CALHM5: variants seen among roughly 807,000 people sequenced by gnomAD.
CALHM5 encodes calcium homeostasis modulator protein 5.
Under a neutral mutation model 20.9 loss-of-function variants are expected in CALHM5, and 17 were observed. That is an observed-to-expected ratio of 0.82 (90% CI 0.56 to 1.22). The LOEUF (loss-of-function observed/expected upper bound fraction) is 1.22, where lower values mean the gene tolerates loss of function less well. CALHM5 is among the 50% of genes most tolerant of loss of function. The pLI is 0.00. For missense variants in CALHM5, 360 were observed against 364.6 expected, an observed-to-expected ratio of 0.99 and a Z score of 0.10; for synonymous variants, 148 against 140.0, an observed-to-expected ratio of 1.06 and a Z score of -0.40.
chr6:116,512,129 A>G lies in CALHM5; in HGVS notation c.433A>G (p.Lys145Glu). ...SGLLELICKG[K>E]PKECWEELHK... ...ACTCCTGGAACTGATTTGCAAGGGT[A>G]AGCCCAAAGAGTGCTGGGAAGAACT... The change falls in exon 1 of 2, where the codon AAG becomes GAG. Residue 145 changes from lysine (K) to glutamate (E), a missense_variant. Coordinates refer to ENST00000368599, the MANE Select transcript of CALHM5 (RefSeq NM_153711.5). 1 of 1,613,948 alleles carries G rather than the reference A, an allele frequency of 6.2e-7. No homozygotes were observed. The highest frequency in any genetic ancestry group is 8.5e-7 in the Non-Finnish European group (1 of 1,179,984).
intron 1 of CALHM5, 88 bp from the exon 2 acceptor site, chr6:116,515,511 AT>A (rs1364873844): frequency 4.5e-6 from 6 of 1,332,224 alleles, no homozygotes; most frequent in Non-Finnish European, 6.2e-6. Context: ...GACTGTGGTA[AT>A]AATTTAGCTA....
Position 116,520,292 on chromosome 6 carries a change from AT to A in CALHM5, c.*4305del, listed in dbSNP as rs1772307782. The A allele has an allele frequency of 6.6e-6, 1 of 152,106 alleles. No individual in the cohort carries two copies. Among genetic ancestry groups the A allele is most frequent in the East Asian group, 1.9e-4 (1 of 5,186 alleles). The allele number at this position is 152,106 out of a possible 1,614,324, so 9.4% of individuals were successfully genotyped here. A position where few individuals can be genotyped will look rare whatever the true frequency, so the allele number is the denominator to read the frequency against. On this transcript the variant is annotated 3_prime_UTR_variant, in exon 2 of 2. Coordinates refer to ENST00000368599, the MANE Select transcript of CALHM5 (RefSeq NM_153711.5). ...TTCAAGTACTTCAACTATTAACTAT[AT>A]TATTCTATTTAGACTTTGGTGGTTC...
chr6:116,515,647 C>T lies in CALHM5; in HGVS notation c.588C>T (p.Leu196=), dbSNP rs1001120923. The T allele has an allele frequency of 1.2e-5, 19 of 1,613,812 alleles. No individual in the cohort carries two copies. Among genetic ancestry groups the T allele is most frequent in the African/African-American group, 9.3e-5 (7 of 74,900 alleles). ...GTTCAGCGTCTTTCTTCTCTCTGCTCACCACATGTTATGCTCGCTGCCGAT... is the reference window on the plus strand; with the variant it reads ...GTTCAGCGTCTTTCTTCTCTCTGCTTACCACATGTTATGCTCGCTGCCGAT... ...LICSASFFSL[L]TTCYARCRSK... The change falls in exon 2 of 2, where the codon CTC becomes CTT. Residue 196 remains leucine, a synonymous_variant. Transcript: ENST00000368599.
chr6:116,513,398 TATA>T lies in CALHM5; in HGVS notation c.540+1164_540+1166del, dbSNP rs150883228. Among the ~76,000 whole-genome samples the T allele has an allele frequency of 3.9e-3, 594 of 152,302 alleles. 3 individuals are homozygous for T. The highest frequency in any genetic ancestry group is 0.014 in the African/African-American group (575 of 41,566). Reference sequence around the variant, plus strand: ...TCTTGTGTCTTTTATTGAAGAAGGGTATAACTTACAACTCTTATGACAGAATGA... The same window carrying T: ...TCTTGTGTCTTTTATTGAAGAAGGGTACTTACAACTCTTATGACAGAATGA... On this transcript the variant is annotated intron_variant, in intron 1 of 1. Transcript: ENST00000368599.
chr6:116,515,838 C>G lies in CALHM5; in HGVS notation c.779C>G (p.Ala260Gly), dbSNP rs760930390. ...RPDPFPMPTF[A>G]AWEAASELHS... ...GATCCTTTTCCCATGCCTACGTTTG[C>G]TGCCTGGGAGGCTGCTTCAGAGCTG... Residue 260 changes from alanine to glycine, a missense_variant, in exon 2 of 2, where the codon GCT becomes GGT. Transcript: ENST00000368599. 1 of 1,613,988 alleles carries G rather than the reference C, an allele frequency of 6.2e-7. No individual in the cohort carries two copies. The highest frequency in any genetic ancestry group is 1.1e-5 in the South Asian group (1 of 91,072).
Position 116,516,747 on chromosome 6 carries a change from A to G in CALHM5, c.*758A>G, listed in dbSNP as rs1772237263. On this transcript the variant is annotated 3_prime_UTR_variant, in exon 2 of 2. Coordinates refer to ENST00000368599, the MANE Select transcript of CALHM5 (RefSeq NM_153711.5). Reference sequence around the variant, plus strand: ...AATATATATTTATAACTGCATTGATAAAAGGTGAATATATTAGCATTTTCT... The same window carrying G: ...AATATATATTTATAACTGCATTGATGAAAGGTGAATATATTAGCATTTTCT... The G allele has an allele frequency of 6.7e-6, 1 of 148,938 alleles. No individual in the cohort carries two copies. The highest frequency in any genetic ancestry group is 1.5e-5 in the Non-Finnish European group (1 of 67,418). The allele number at this position is 148,938 out of a possible 1,614,324, so 9.2% of individuals were successfully genotyped here. A position where few individuals can be genotyped will look rare whatever the true frequency, so the allele number is the denominator to read the frequency against.
chr6:116,524,645 G>A lies in CALHM5; in HGVS notation c.*8656G>A, dbSNP rs1772411779. 6.6e-6 allele frequency: 1 copy of A among 151,896 alleles called. No homozygotes were observed. The highest frequency in any genetic ancestry group is 2.1e-4 in the South Asian group (1 of 4,814). The allele number at this position is 151,896 out of a possible 1,614,324, so 9.4% of individuals were successfully genotyped here. A position where few individuals can be genotyped will look rare whatever the true frequency, so the allele number is the denominator to read the frequency against. ...AGATGTTTTATCCTATATTCTCATTGGTTTCTTTATCTTTCATGTCCAAAA... is the reference window on the plus strand; with the variant it reads ...AGATGTTTTATCCTATATTCTCATTAGTTTCTTTATCTTTCATGTCCAAAA... On this transcript the variant is annotated 3_prime_UTR_variant, in exon 2 of 2. Transcript: ENST00000368599.
rs1024793076 is a variant in CALHM5, at chr6:116,521,220, G to A, written c.*5231G>A. On this transcript the variant is annotated 3_prime_UTR_variant, in exon 2 of 2. Transcript: ENST00000368599. Reference sequence around the variant, plus strand: ...AAAATATATGTGCTATATATATTGTGTGTGTATATATATATGAAAGAGGAT... The same window carrying A: ...AAAATATATGTGCTATATATATTGTATGTGTATATATATATGAAAGAGGAT... 5.3e-5 allele frequency: 8 copies of A among 151,998 alleles called. No individual in the cohort carries two copies. The highest frequency in any genetic ancestry group is 3.9e-4 in the Admixed American group (6 of 15,234). 9.4% of individuals were successfully genotyped at this position (151,998 alleles called of 1,614,324 possible).
intron 1 of CALHM5, among the ~76,000 whole-genome samples, chr6:116,513,700 A>G (rs1772169233): frequency 6.6e-6 from 1 of 152,224 alleles, no homozygotes; most frequent in African/African-American, 2.4e-5. Context: ...GATAGGCAGG[A>G]GGCAGCATAT....
rs1772221860 is a variant in CALHM5 at position 116,516,209 on chromosome 6, A to T, written c.*220A>T. The T allele has an allele frequency of 2.1e-6, 1 of 475,606 alleles. No individual in the cohort carries two copies. Among genetic ancestry groups the T allele is most frequent in the Non-Finnish European group, 3.5e-6 (1 of 283,678 alleles). The allele number at this position is 475,606 out of a possible 1,614,324, so 29.5% of individuals were successfully genotyped here. On this transcript the variant is annotated 3_prime_UTR_variant, in exon 2 of 2. Coordinates refer to ENST00000368599, the MANE Select transcript of CALHM5 (RefSeq NM_153711.5). Reference sequence around the variant, plus strand: ...GACAAAGGTGCTCTTGCATTGGTGGAGAGGGGCTCAGTAGGCCTAAATGTT... The same window carrying T: ...GACAAAGGTGCTCTTGCATTGGTGGTGAGGGGCTCAGTAGGCCTAAATGTT...
rs137907902 is a variant in CALHM5, at chr6:116,521,373, G to A, written c.*5384G>A. The A allele has an allele frequency of 5.9e-5, 9 of 152,208 alleles. No individual in the cohort carries two copies. The highest frequency in any genetic ancestry group is 1.3e-4 in the Non-Finnish European group (9 of 68,014). 9.4% of individuals were successfully genotyped at this position (152,208 alleles called of 1,614,324 possible). ...CCAGTCTGAGGGCCTGAGAACCAGG[G>A]GAGTTGATGGTACAAATCCCAGAGC... is the stretch of plus-strand genomic sequence containing the variant. On this transcript the variant is annotated 3_prime_UTR_variant, in exon 2 of 2. Transcript: ENST00000368599.
chr6:116,515,557 G>T (rs881863), intron 1 of CALHM5, 43 bp from the exon 2 acceptor site: 2 of 1,546,802 alleles, frequency 1.3e-6, no homozygotes, highest in Non-Finnish European at 1.7e-6. Flanking sequence ...TCCCTAAATG[G>T]CTTTGCTTTC....
intron 1 of CALHM5, 71 bp downstream of exon 1, chr6:116,512,307 C>T: frequency 2.0e-6 from 3 of 1,467,472 alleles, no homozygotes; most frequent in Non-Finnish European, 2.7e-6. Context: ...TCCTTTCAGC[C>T]AGGGCTGTCT....
rs1772337324 is a variant in CALHM5 at position 116,521,350 on chromosome 6, A to T, written c.*5361A>T. The T allele has an allele frequency of 6.6e-6, 1 of 152,112 alleles. No individual in the cohort carries two copies. The highest frequency in any genetic ancestry group is 1.5e-5 in the Non-Finnish European group (1 of 68,026). The allele number at this position is 152,112 out of a possible 1,614,324, so 9.4% of individuals were successfully genotyped here. On this transcript the variant is annotated 3_prime_UTR_variant, in exon 2 of 2. Coordinates refer to ENST00000368599, the MANE Select transcript of CALHM5 (RefSeq NM_153711.5). ...AAATGTGTAGGGTGGCTCAAGTCCCAGTCTGAGGGCCTGAGAACCAGGGGA... is the reference window on the plus strand; with the variant it reads ...AAATGTGTAGGGTGGCTCAAGTCCCTGTCTGAGGGCCTGAGAACCAGGGGA...
At position 116,515,980 on chromosome 6, in the gene CALHM5, C is replaced by A; in HGVS notation, c.921C>A (p.His307Gln). The change falls in exon 2 of 2, where the codon CAC becomes CAA. Residue 307 changes from histidine to glutamine, a missense_variant. Physicochemically the swap from His to Gln is conservative, Grantham distance 24 (BLOSUM62 0). Coordinates refer to ENST00000368599, the MANE Select transcript of CALHM5 (RefSeq NM_153711.5). Reference protein sequence around the residue: ...ETTMVLVGTAHNM With the variant: ...ETTMVLVGTAQNM ...CAATGGTCCTTGTGGGTACTGCCCA[C>A]AATATGTAGCTCATCCACCATCAAT... is the stretch of plus-strand genomic sequence containing the variant. The A allele has an allele frequency of 6.3e-7, 1 of 1,589,890 alleles. No individual in the cohort carries two copies. Among genetic ancestry groups the A allele is most frequent in the Non-Finnish European group, 8.6e-7 (1 of 1,163,414 alleles).
rs768748792 is a variant in CALHM5, at chr6:116,516,792, AT to A, written c.*807del. 14 of 150,608 alleles carry A rather than the reference AT, an allele frequency of 9.3e-5. No individual in the cohort carries two copies. The highest frequency in any genetic ancestry group is 2.1e-4 in the Non-Finnish European group (14 of 67,814). 9.3% of individuals were successfully genotyped at this position (150,608 alleles called of 1,614,324 possible). The stretch of plus-strand genomic sequence containing the variant: ...TTTTCTTCAACCTAAAAGTTTATGT[AT>A]TTTCTTCTGATTTTAAAAGAAATTA... On this transcript the variant is annotated 3_prime_UTR_variant, in exon 2 of 2. Transcript: ENST00000368599.
rs1188664868 is a variant in CALHM5 at position 116,512,075 on chromosome 6, T to A, written c.379T>A (p.Cys127Ser). ...VALLNGTFYECAMSGTRSSGL... is the reference protein window; with the variant it reads ...VALLNGTFYESAMSGTRSSGL... ...TCTGCTCAATGGAACTTTCTATGAATGTGCCATGAGCGGGACGAGAAGTTC... is the reference window on the plus strand; with the variant it reads ...TCTGCTCAATGGAACTTTCTATGAAAGTGCCATGAGCGGGACGAGAAGTTC... The change falls in exon 1 of 2, where the codon TGT becomes AGT. Residue 127 changes from cysteine (C) to serine (S), a missense_variant. Coordinates refer to ENST00000368599, the MANE Select transcript of CALHM5 (RefSeq NM_153711.5). The A allele has an allele frequency of 6.2e-7, 1 of 1,614,030 alleles. No individual in the cohort carries two copies.
Position 116,520,043 on chromosome 6 carries a change from T to C in CALHM5, c.*4054T>C, listed in dbSNP as rs1423861779. ...TACCTTAAAGTAATGTATTGTAAAATATATGTGTCCAAAGCAACTTTTAAA... is the reference window on the plus strand; with the variant it reads ...TACCTTAAAGTAATGTATTGTAAAACATATGTGTCCAAAGCAACTTTTAAA... On this transcript the variant is annotated 3_prime_UTR_variant, in exon 2 of 2. Coordinates refer to ENST00000368599, the MANE Select transcript of CALHM5 (RefSeq NM_153711.5). 2 of 152,218 alleles carry C rather than the reference T, an allele frequency of 1.3e-5. No individual in the cohort carries two copies. The highest frequency in any genetic ancestry group is 2.9e-5 in the Non-Finnish European group (2 of 68,040). 9.4% of individuals were successfully genotyped at this position (152,218 alleles called of 1,614,324 possible). A position where few individuals can be genotyped will look rare whatever the true frequency, so the allele number is the denominator to read the frequency against.
Position 116,520,791 on chromosome 6 carries a change from A to G in CALHM5, c.*4802A>G, listed in dbSNP as rs1359871248. 1 of 152,294 alleles carries G rather than the reference A, an allele frequency of 6.6e-6. No homozygotes were observed. The highest frequency in any genetic ancestry group is 2.4e-5 in the African/African-American group (1 of 41,428). 9.4% of individuals were successfully genotyped at this position (152,294 alleles called of 1,614,324 possible). On this transcript the variant is annotated 3_prime_UTR_variant, in exon 2 of 2. Coordinates refer to ENST00000368599, the MANE Select transcript of CALHM5 (RefSeq NM_153711.5). ...ATGTTATCTGGATTTCAAACAGTAGAGTATGATAAAAATTTAAAAACTGGC... is the reference window on the plus strand; with the variant it reads ...ATGTTATCTGGATTTCAAACAGTAGGGTATGATAAAAATTTAAAAACTGGC...
Sources: allele counts gnomAD v4.1 joint callset (sites outside exome capture counted in the v4.1 genomes callset), GRCh38; gene constraint gnomAD v4.1.1; transcripts MANE v1.5; gene names NCBI Gene and HGNC (gene_info 2026-07-23, HGNC 2026-07-21).